LGSN: variants seen among roughly 807,000 people sequenced by gnomAD.
The protein encoded by LGSN is lengsin.
In LGSN, 21 loss-of-function variants were observed where a neutral mutation model predicts 19.5. That is an observed-to-expected ratio of 1.07 (90% confidence interval 0.76 to 1.55). The LOEUF (loss-of-function observed/expected upper bound fraction) is 1.55. Ranked by LOEUF, LGSN falls within the 40% of genes most tolerant of loss-of-function variation. The pLI, the probability that LGSN is intolerant of heterozygous loss-of-function variation, is 0.00. For synonymous variants in LGSN, 257 were observed against 215.6 expected (o/e 1.19, Z -1.68); for missense variants, 673 against 608.5 (o/e 1.11, Z -1.12).
the LGSN span, among the ~76,000 whole-genome samples, chr6:63,443,914 CAAAA>C: frequency 7.1e-6 from 1 of 141,046 alleles, no homozygotes; most frequent in Non-Finnish European, 1.5e-5. Context: ...CAGCTGTCAC[CAAAA>C]AAAAAAAAAA....
chr6:63,413,664 G>C, the LGSN span, among the ~76,000 whole-genome samples: 1 of 152,112 alleles, frequency 6.6e-6, no homozygotes, highest in Admixed American at 6.6e-5. Context: ...CCCACTATAT[G>C]TATTGCACAA....
At chr6:63,529,189 G>T in the LGSN span, among the ~76,000 whole-genome samples, 1 of 146,942 alleles carries the variant, frequency 6.8e-6, no homozygotes, top group Non-Finnish European at 1.5e-5. Flanking sequence ...ATATATATGT[G>T]TGTATATATA....
chr6:63,399,277 T>C, the LGSN span, among the ~76,000 whole-genome samples: 3 of 152,180 alleles, frequency 2.0e-5, no homozygotes, highest in Admixed American at 2.0e-4. Flanking sequence ...AGGTGTGTAG[T>C]AAGCTATAGC....
At chr6:63,388,389 A>G in the LGSN span, among the ~76,000 whole-genome samples, 5 of 152,184 alleles carry the variant, frequency 3.3e-5, no homozygotes, top group Non-Finnish European at 7.3e-5. Flanking sequence ...CTGAAGTTCT[A>G]ATCCTCAGTA....
chr6:63,482,716 T>C, the LGSN span, among the ~76,000 whole-genome samples: 1 of 152,196 alleles, frequency 6.6e-6, no homozygotes, highest in Non-Finnish European at 1.5e-5. Context: ...TTTCTTTTTT[T>C]TGGAGACAGG....
At position 63,280,481 on chromosome 6, in the gene LGSN, C is replaced by T. The variant is rs894483931; in HGVS notation, c.1070G>A (p.Cys357Tyr). Reference protein sequence around the residue: ...GLLKHSAALSCLMAPSVSCRK... With the variant: ...GLLKHSAALSYLMAPSVSCRK... Reference sequence around the variant, plus strand: ...GCAGCTAACAGAAGGCGCCATCAGGCAGCTGAGCGCAGCAGAGTGCTTCAA... The same window carrying T: ...GCAGCTAACAGAAGGCGCCATCAGGTAGCTGAGCGCAGCAGAGTGCTTCAA... The change falls in exon 4 of 4, where the codon TGC becomes TAC. Residue 357 changes from cysteine (C) to tyrosine (Y), a missense_variant. Cys to Tyr is a radical substitution (Grantham distance 194, BLOSUM62 -2). Transcript: ENST00000370657. The T allele has an allele frequency of 6.2e-7, 1 of 1,614,030 alleles. No homozygotes were observed. The highest frequency in any genetic ancestry group is 1.3e-5 in the African/African-American group (1 of 74,944).
At chr6:63,497,483 G>C in the LGSN span, among the ~76,000 whole-genome samples, 1 of 152,070 alleles carries the variant, frequency 6.6e-6, no homozygotes, top group African/African-American at 2.4e-5. Flanking sequence ...AACCCGCGAG[G>C]TGGAGGTTGC....
At chr6:63,463,194 C>T in the LGSN span, among the ~76,000 whole-genome samples, 1 of 152,060 alleles carries the variant, frequency 6.6e-6, no homozygotes, top group Non-Finnish European at 1.5e-5. Flanking sequence ...AAAAATTGTG[C>T]CTACCTCATA....
chr6:63,461,934 C>A, the LGSN span, among the ~76,000 whole-genome samples: 1 of 152,192 alleles, frequency 6.6e-6, no homozygotes, highest in South Asian at 2.1e-4. Context: ...ATAGATTCTG[C>A]ATATACTAGT....
the LGSN span, chr6:63,396,128 A>G: frequency 1.3e-5 from 2 of 154,662 alleles, no homozygotes; most frequent in African/African-American, 4.8e-5. Context: ...GCAGTTTCTC[A>G]TTGTCTGGTT....
In LGSN at chr6:63,305,977, G is replaced by T. The variant is rs377367055; in HGVS notation, c.31-10932C>A. ...AGCTACTTGGGAGGCTGAGGCATAA[G>T]AATCGCTTAAACCCAGGAGGTGGAG... On this transcript the variant is annotated intron_variant, in intron 1 of 3. Transcript: ENST00000370657. 4.6e-5 allele frequency among the ~76,000 whole-genome samples: 7 copies of T among 152,192 alleles called. No individual in the cohort carries two copies. In the East Asian group the frequency reaches 7.7e-4, roughly 17 times the overall value.
At chr6:63,505,565 A>AAAAAGAAAGAGAAAGAAAG in the LGSN span, among the ~76,000 whole-genome samples, 1 of 58,648 alleles carries the variant, frequency 1.7e-5, no homozygotes, top group East Asian at 4.4e-4. Context: ...AAAAAAAAAA[A>AAAAAGAAAGAGAAAGAAAG]AAAGAAAGAA....
At chr6:63,399,630 A>T in the LGSN span, among the ~76,000 whole-genome samples, 1 of 151,846 alleles carries the variant, frequency 6.6e-6, no homozygotes, top group African/African-American at 2.4e-5. Context: ...TCCTGACCTC[A>T]GATGATCCAC....
the LGSN span, among the ~76,000 whole-genome samples, chr6:63,432,869 A>G: frequency 3.7e-4 from 57 of 152,288 alleles, no homozygotes; most frequent in African/African-American, 1.3e-3. Flanking sequence ...ACCCAAAGCC[A>G]TAATGACATT....
the LGSN span, among the ~76,000 whole-genome samples, chr6:63,530,846 ACAT>A: frequency 6.6e-6 from 1 of 152,190 alleles, no homozygotes; most frequent in Non-Finnish European, 1.5e-5. Context: ...GTACCTTAAA[ACAT>A]CCAAATTGAT....
chr6:63,373,349 C>A, the LGSN span, among the ~76,000 whole-genome samples: 1 of 152,098 alleles, frequency 6.6e-6, no homozygotes, highest in African/African-American at 2.4e-5. Context: ...TCATGTTAAC[C>A]CAGTAATCAA....
chr6:63,414,824 A>G, the LGSN span, among the ~76,000 whole-genome samples: 1 of 152,142 alleles, frequency 6.6e-6, no homozygotes, highest in Non-Finnish European at 1.5e-5. Flanking sequence ...CTGAGGTGGA[A>G]GGATTGCTTG....
At chr6:63,468,520 T>A in the LGSN span, among the ~76,000 whole-genome samples, 1 of 152,160 alleles carries the variant, frequency 6.6e-6, no homozygotes, top group Non-Finnish European at 1.5e-5. Context: ...CTCTGCCTCC[T>A]GGGTACAAGC....
At chr6:63,352,971 G>A in the LGSN span, among the ~76,000 whole-genome samples, 2 of 151,996 alleles carry the variant, frequency 1.3e-5, no homozygotes, top group African/African-American at 4.8e-5. Flanking sequence ...TTTCTCTTGT[G>A]AGCGCAACAA....
Sources: gnomAD v4.1 joint callset for allele counts (sites outside exome capture counted in the v4.1 genomes callset) on GRCh38, gnomAD v4.1.1 for gene constraint, MANE v1.5 for transcripts, NCBI Gene and HGNC (gene_info 2026-07-23, HGNC 2026-07-21) for gene names.